PCDHGA11: variants seen among roughly 807,000 people sequenced by gnomAD.
PCDHGA11 encodes the protein protocadherin gamma subfamily A, 11.
PCDHGA11 carries 39 observed loss-of-function variants against 60.4 expected under a neutral mutation model. That is an observed-to-expected ratio of 0.65 (90% CI 0.50 to 0.84). The LOEUF is 0.84. Among genes scored for constraint, PCDHGA11 ranks in the 40% least tolerant of loss-of-function variants. PCDHGA11 has a pLI of 0.00. For synonymous variants in PCDHGA11, 533 were observed against 510.3 expected, an observed-to-expected ratio of 1.04 and a Z score of -0.60; for missense variants, 1,165 against 1,197.7, an observed-to-expected ratio of 0.97 and a Z score of 0.40.
chr5:141,461,506 AT>A (rs1406680307), intron 1 of PCDHGA11, among the ~76,000 whole-genome samples: 2 of 151,524 alleles, frequency 1.3e-5, no homozygotes, highest in Non-Finnish European at 1.5e-5. Context: ...TTTCTTGGTG[AT>A]TTGTTAGTTC....
chr5:141,434,027 G>A (rs887125944), intron 1 of PCDHGA11, among the ~76,000 whole-genome samples: 3 of 152,130 alleles, frequency 2.0e-5, no homozygotes, highest in Non-Finnish European at 2.9e-5. Flanking sequence ...GATTCTGGAA[G>A]CATGGTTTTC....
intron 1 of PCDHGA11, chr5:141,484,903 G>A: frequency 2.5e-6 from 1 of 407,434 alleles, no homozygotes; most frequent in Non-Finnish European, 4.4e-6. Context: ...CTCCAATGCT[G>A]CGACGCATTA....
At chr5:141,505,767 AGGTCCTAGCTCT>A (rs2099848180) in intron 3 of PCDHGA11, among the ~76,000 whole-genome samples, 1 of 151,756 alleles carries the variant, frequency 6.6e-6, no homozygotes, top group Non-Finnish European at 1.5e-5. Context: ...AGTGTAGCTC[AGGTCCTAGCTCT>A]GCTACTATCC....
chr5:141,455,798 T>TA (rs2098831882), intron 1 of PCDHGA11, among the ~76,000 whole-genome samples: 1 of 152,036 alleles, frequency 6.6e-6, no homozygotes, highest in African/African-American at 2.4e-5. Flanking sequence ...GGAGATGCTT[T>TA]AAAAAATGAA....
At chr5:141,458,075 A>G (rs1301404730) in intron 1 of PCDHGA11, among the ~76,000 whole-genome samples, 2 of 152,234 alleles carry the variant, frequency 1.3e-5, no homozygotes, top group Non-Finnish European at 2.9e-5. Flanking sequence ...GAACAACTAT[A>G]TTGCCGTAAG....
Position 141,491,900 on chromosome 5 carries a change from G to C in PCDHGA11, c.2434-2907G>C. ...TAAGGGATGGGGCTCCGAGCACCGG[G>C]GGTGGTGGCGACTGTGGGCGAGGGG... On this transcript the variant is annotated intron_variant, in intron 1 of 3. Transcript: ENST00000398587. This position sits in a 1 kb window ranked among gnomAD's most constrained non-coding sequence, Gnocchi z 6.9. 1 of 1,429,936 alleles carries C rather than the reference G, an allele frequency of 7.0e-7. No homozygotes were observed. Among genetic ancestry groups the C allele is most frequent in the South Asian group, 1.5e-5 (1 of 67,072 alleles). 88.6% of individuals were successfully genotyped at this position (1,429,936 alleles called of 1,614,324 possible). A position where few individuals can be genotyped will look rare whatever the true frequency, so the allele number is the denominator to read the frequency against.
Position 141,432,492 on chromosome 5 carries a change from C to A in PCDHGA11, c.2433+8832C>A. On this transcript the variant is annotated intron_variant, in intron 1 of 3. Transcript: ENST00000398587. The surrounding 1 kb of genome is among the most constrained non-coding windows in gnomAD (Gnocchi z 6.0). ...GACGGTTCCACTGGCGTGGAGCTGG[C>A]TCCCCGCTCCGCAGAGCCCGGCTAC... 6.2e-7 allele frequency: 1 copy of A among 1,614,168 alleles called. No individual in the cohort carries two copies. Among genetic ancestry groups the A allele is most frequent in the Admixed American group, 1.7e-5 (1 of 60,034 alleles).
intron 1 of PCDHGA11, chr5:141,427,774 G>T: frequency 1.4e-6 from 2 of 1,420,908 alleles, no homozygotes; most frequent in Non-Finnish European, 2.0e-6. Context: ...TTGGAGCTGC[G>T]GGCACTGTCG....
Position 141,477,060 on chromosome 5 carries a change from C to G in PCDHGA11, c.2434-17747C>G. On this transcript the variant is annotated intron_variant, in intron 1 of 3. Coordinates refer to ENST00000398587, the MANE Select transcript of PCDHGA11 (RefSeq NM_018914.3). The surrounding 1 kb of genome is among the most constrained non-coding windows in gnomAD (Gnocchi z 4.9). ...AAGGGTCGGCTGGACTTCGAGGACA[C>G]CAAACTCCATGAGATTTACATCCAG... The G allele has an allele frequency of 1.2e-6, 2 of 1,614,256 alleles. No individual in the cohort carries two copies. The highest frequency in any genetic ancestry group is 2.2e-5 in the South Asian group (2 of 91,086).
chr5:141,450,107 A>G (rs1228532939), intron 1 of PCDHGA11, among the ~76,000 whole-genome samples: 3 of 150,976 alleles, frequency 2.0e-5, no homozygotes, highest in Non-Finnish European at 4.4e-5. Flanking sequence ...CCCAGGTTCA[A>G]ATGATTCTCC....
In PCDHGA11 at chr5:141,422,934, C is replaced by T; in HGVS notation, c.1707C>T (p.Pro569=). The T allele has an allele frequency of 6.2e-7, 1 of 1,614,254 alleles. No homozygotes were observed. Among genetic ancestry groups the T allele is most frequent in the Non-Finnish European group, 8.5e-7 (1 of 1,180,048 alleles). The change falls in exon 1 of 4, where the codon CCC becomes CCT. Residue 569 remains proline (P), a synonymous_variant. Coordinates refer to ENST00000398587, the MANE Select transcript of PCDHGA11 (RefSeq NM_018914.3). ...CCGAGATCCTGTACCCTGCCCTCCC[C>T]ACAGACGGCTCCACTGGCGTGGAGC... ...NAPEILYPAL[P]TDGSTGVELA...
rs372326132 is a variant in PCDHGA11 at position 141,486,185 on chromosome 5, G to A, written c.2434-8622G>A. On this transcript the variant is annotated intron_variant, in intron 1 of 3. Coordinates refer to ENST00000398587, the MANE Select transcript of PCDHGA11 (RefSeq NM_018914.3). The surrounding 1 kb of genome is among the most constrained non-coding windows in gnomAD (Gnocchi z 5.0). ...CATGGAGCAACATTGCAGCCTTCGAGTGGATCTGCTGGACGTAAATGACAA... is the reference window on the plus strand; with the variant it reads ...CATGGAGCAACATTGCAGCCTTCGAATGGATCTGCTGGACGTAAATGACAA... 42 of 1,614,108 alleles carry A rather than the reference G, an allele frequency of 2.6e-5. No homozygotes were observed. The highest frequency in any genetic ancestry group is 3.4e-5 in the Non-Finnish European group (40 of 1,180,048).
At chr5:141,424,928 T>C (rs2096848391) in intron 1 of PCDHGA11, among the ~76,000 whole-genome samples, 1 of 152,204 alleles carries the variant, frequency 6.6e-6, no homozygotes, top group South Asian at 2.1e-4. Flanking sequence ...ATCAATTCAG[T>C]CAACACTCTC....
In PCDHGA11 at chr5:141,432,076, G is replaced by A. The variant is rs1442341840; in HGVS notation, c.2433+8416G>A. The A allele has an allele frequency of 1.2e-6, 2 of 1,614,160 alleles. No homozygotes were observed. Among genetic ancestry groups the A allele is most frequent in the East Asian group, 2.2e-5 (1 of 44,872 alleles). On this transcript the variant is annotated intron_variant, in intron 1 of 3. Coordinates refer to ENST00000398587, the MANE Select transcript of PCDHGA11 (RefSeq NM_018914.3). This position sits in a 1 kb window ranked among gnomAD's most constrained non-coding sequence, Gnocchi z 6.0. ...CCCTATCCACGGAAACTCATATCTCGCTGAACGTGGCAGACACCAACGACA... is the reference window on the plus strand; with the variant it reads ...CCCTATCCACGGAAACTCATATCTCACTGAACGTGGCAGACACCAACGACA...
chr5:141,465,312 A>G (rs2099100692), intron 1 of PCDHGA11, among the ~76,000 whole-genome samples: 1 of 152,314 alleles, frequency 6.6e-6, no homozygotes, highest in South Asian at 2.1e-4. Flanking sequence ...GAATTTAGCC[A>G]TGTCAATGCA....
intron 1 of PCDHGA11, among the ~76,000 whole-genome samples, chr5:141,472,516 G>T (rs545962540): frequency 2.0e-5 from 3 of 152,072 alleles, no homozygotes; most frequent in Non-Finnish European, 4.4e-5. Flanking sequence ...CTCCAGCCTG[G>T]GTGACAGAGT....
In PCDHGA11 at chr5:141,474,057, G is replaced by A. The variant is rs546654716; in HGVS notation, c.2434-20750G>A. Among the ~76,000 whole-genome samples, 3 of 152,192 alleles carry A rather than the reference G, an allele frequency of 2.0e-5. No homozygotes were observed. In the East Asian group the frequency reaches 5.8e-4, roughly 29 times the overall value. On this transcript the variant is annotated intron_variant, in intron 1 of 3. Transcript: ENST00000398587. ...TGTACTCCAGCCTGGATGACAGAGC[G>A]AGATCCTGCCTCAGAAACAAAAACC... is the stretch of plus-strand genomic sequence containing the variant.
chr5:141,432,725 G>A lies in PCDHGA11; in HGVS notation c.2433+9065G>A, dbSNP rs755759587. The A allele has an allele frequency of 7.4e-6, 12 of 1,613,896 alleles. No individual in the cohort carries two copies. Among genetic ancestry groups the A allele is most frequent in the African/African-American group, 1.3e-5 (1 of 74,932 alleles). On this transcript the variant is annotated intron_variant, in intron 1 of 3. Transcript: ENST00000398587. This position sits in a 1 kb window ranked among gnomAD's most constrained non-coding sequence, Gnocchi z 6.0. ...GGACCACGGCCAGCCCCCTCTCTCC[G>A]CCACTGTCACGCTCACCGTGGCCGT...
chr5:141,511,560 TC>T lies in PCDHGA11; in HGVS notation c.*390del. ...CCACCCCACTCCAACAGTTCCTCTT[TC>T]CCGAGTAAGGTGGTTGGGGTGTTGA... On this transcript the variant is annotated 3_prime_UTR_variant, in exon 4 of 4. Transcript: ENST00000398587. 3.3e-6 allele frequency: 1 copy of T among 298,990 alleles called. No individual in the cohort carries two copies. The highest frequency in any genetic ancestry group is 3.7e-5 in the South Asian group (1 of 27,250). The allele number at this position is 298,990 out of a possible 1,614,324, so 18.5% of individuals were successfully genotyped here. A position where few individuals can be genotyped will look rare whatever the true frequency, so the allele number is the denominator to read the frequency against.
Sources: allele counts gnomAD v4.1 joint callset (sites outside exome capture counted in the v4.1 genomes callset), GRCh38; gene constraint gnomAD v4.1.1; non-coding constraint Gnocchi (gnomAD v3.1); transcripts MANE v1.5; gene names NCBI Gene and HGNC (gene_info 2026-07-23, HGNC 2026-07-21).